The following KIF26B variants were observed in gnomAD, a reference collection of about 807,000 sequenced individuals.
The protein encoded by KIF26B is kinesin-like protein KIF26B.
KIF26B carries 63 observed loss-of-function variants against 151.2 expected under a neutral mutation model. The observed-to-expected ratio is 0.42, with a 90% CI of 0.34 to 0.51. The LOEUF (loss-of-function observed/expected upper bound fraction) is 0.51, where lower values mean the gene tolerates loss of function less well. Ranked by LOEUF, KIF26B falls within the 20% of genes least tolerant of loss-of-function variation. KIF26B has a pLI of 0.07. For missense variants in KIF26B, 2,813 were observed against 2,913.6 expected (o/e 0.97, Z 0.79); for synonymous variants, 1,357 against 1,262.1 (o/e 1.08, Z -1.59).
chr1:245,684,200 C>T lies in KIF26B; in HGVS notation c.2259-33C>T, dbSNP rs200387540. On this transcript the variant is annotated intron_variant, in intron 10 of 14. Coordinates refer to ENST00000407071, the MANE Select transcript of KIF26B (RefSeq NM_018012.4). Reference sequence around the variant, plus strand: ...CCTGAGGGCCACAGGGAAGCATGGCCGCTAATGCAGCCTAATTCACTTTGT... The same window carrying T: ...CCTGAGGGCCACAGGGAAGCATGGCTGCTAATGCAGCCTAATTCACTTTGT... 6.0e-5 allele frequency: 96 copies of T among 1,596,478 alleles called. 2 individuals are homozygous for T. In the East Asian group the frequency reaches 2.0e-3, roughly 34 times the overall value.
intron 8 of KIF26B, 55 bp downstream of exon 8, chr1:245,609,583 G>A: frequency 1.4e-6 from 2 of 1,444,530 alleles, no homozygotes; most frequent in Non-Finnish European, 1.8e-6. Context: ...CCACCTCAGA[G>A]GCTGGGGCAG....
chr1:245,307,234 A>G (rs1403013659), intron 2 of KIF26B, among the ~76,000 whole-genome samples: 2 of 152,228 alleles, frequency 1.3e-5, no homozygotes, highest in Non-Finnish European at 2.9e-5. Flanking sequence ...GCAGCGTTTC[A>G]TAGTTGTAAA....
intron 4 of KIF26B, among the ~76,000 whole-genome samples, chr1:245,460,305 T>C (rs1226826145): frequency 6.6e-6 from 1 of 152,180 alleles, no homozygotes; most frequent in Non-Finnish European, 1.5e-5. Flanking sequence ...GTTTTTGTTT[T>C]TCCAGAATTA....
At chr1:245,618,499 C>A (rs2043618711) in intron 9 of KIF26B, among the ~76,000 whole-genome samples, 1 of 143,038 alleles carries the variant, frequency 7.0e-6, no homozygotes, top group Non-Finnish European at 1.5e-5. Flanking sequence ...GCGTCAGTGT[C>A]CAAGCCCTAT....
chr1:245,581,035 G>A (rs972802420), intron 5 of KIF26B, among the ~76,000 whole-genome samples: 2 of 152,214 alleles, frequency 1.3e-5, no homozygotes, highest in Admixed American at 1.3e-4. Flanking sequence ...CATCTTTCCA[G>A]CAGCTCCTGC....
rs367742207 is a variant in KIF26B at position 245,200,915 on chromosome 1, G to A, written c.465+44232G>A. On this transcript the variant is annotated intron_variant, in intron 2 of 14. Coordinates refer to ENST00000407071, the MANE Select transcript of KIF26B (RefSeq NM_018012.4). ...TTCCAAAGGGCGTGAAAGTCATTGT[G>A]TGACCCCTGTTGATGCCTCTTTATT... 1.8e-4 allele frequency among the ~76,000 whole-genome samples: 28 copies of A among 152,228 alleles called. 1 individual carries two copies. Among genetic ancestry groups the A allele is most frequent in the Admixed American group, 8.5e-4 (13 of 15,284 alleles).
chr1:245,562,423 G>A (rs779771272), intron 5 of KIF26B, among the ~76,000 whole-genome samples: 2 of 152,076 alleles, frequency 1.3e-5, no homozygotes, highest in Non-Finnish European at 2.9e-5. Flanking sequence ...GCTTGGCTCC[G>A]TGGTGACGGC....
intron 4 of KIF26B, among the ~76,000 whole-genome samples, chr1:245,429,940 A>T (rs539699374): frequency 6.6e-6 from 1 of 152,252 alleles, no homozygotes; most frequent in African/African-American, 2.4e-5. Context: ...AGCCCTAGAA[A>T]AACTGGTACC....
At chr1:245,530,236 A>G (rs1338329726) in intron 4 of KIF26B, among the ~76,000 whole-genome samples, 1 of 152,218 alleles carries the variant, frequency 6.6e-6, no homozygotes, top group African/African-American at 2.4e-5. Context: ...GTGGATGGGA[A>G]TGTAAATTAG....
chr1:245,677,254 A>G (rs1347962407), intron 10 of KIF26B, among the ~76,000 whole-genome samples: 1 of 152,198 alleles, frequency 6.6e-6, no homozygotes, highest in Non-Finnish European at 1.5e-5. Flanking sequence ...TGATGAGACA[A>G]CTAATCATCG....
At chr1:245,440,017 C>G (rs566179845) in intron 4 of KIF26B, among the ~76,000 whole-genome samples, 4 of 152,222 alleles carry the variant, frequency 2.6e-5, no homozygotes, top group East Asian at 1.9e-4. Context: ...GTGAGGAGAT[C>G]GAGACCATCC....
At chr1:245,496,935 C>G (rs1311910533) in intron 4 of KIF26B, among the ~76,000 whole-genome samples, 1 of 152,050 alleles carries the variant, frequency 6.6e-6, no homozygotes, top group Admixed American at 6.5e-5. Flanking sequence ...CAAGAATCAT[C>G]ATGAAGTCAG....
chr1:245,693,779 C>T (rs1302951374), intron 12 of KIF26B, among the ~76,000 whole-genome samples: 1 of 152,214 alleles, frequency 6.6e-6, no homozygotes, highest in Non-Finnish European at 1.5e-5. Context: ...TTCTCAGGCA[C>T]ATCCTGGTTT....
chr1:245,240,050 G>T (rs1670185649), intron 2 of KIF26B, among the ~76,000 whole-genome samples: 1 of 151,958 alleles, frequency 6.6e-6, no homozygotes, highest in Non-Finnish European at 1.5e-5. Context: ...CACACCTGTA[G>T]TCCCAGTTAC....
At chr1:245,474,781 TC>T (rs1328030442) in intron 4 of KIF26B, among the ~76,000 whole-genome samples, 1 of 151,762 alleles carries the variant, frequency 6.6e-6, no homozygotes, top group African/African-American at 2.4e-5. Flanking sequence ...TCTCTTCGTC[TC>T]CCATCCCCGC....
chr1:245,418,334 G>A (rs1408816447), intron 3 of KIF26B, among the ~76,000 whole-genome samples: 3 of 152,188 alleles, frequency 2.0e-5, no homozygotes, highest in East Asian at 1.9e-4. Flanking sequence ...CTTATAATGC[G>A]TTAAATGAAT....
In KIF26B at chr1:245,707,139, T is replaced by A. The variant is rs959145800; in HGVS notation, c.*4533T>A. The A allele has an allele frequency of 3.3e-5, 5 of 152,228 alleles. No homozygotes were observed. The highest frequency in any genetic ancestry group is 4.8e-5 in the African/African-American group (2 of 41,470). 9.4% of individuals were successfully genotyped at this position (152,228 alleles called of 1,614,324 possible). On this transcript the variant is annotated 3_prime_UTR_variant, in exon 15 of 15. Coordinates refer to ENST00000407071, the MANE Select transcript of KIF26B (RefSeq NM_018012.4). ...CAAAAAAATTTTTTCTGAAAATTCC[T>A]GGAAACTAATTTATCCCTCCCTAAA...
rs138240748 is a variant in KIF26B at position 245,523,318 on chromosome 1, A to G, written c.1167-17449A>G. Among the ~76,000 whole-genome samples the G allele has an allele frequency of 3.7e-3, 570 of 152,238 alleles. 4 individuals are homozygous for G. The highest frequency in any genetic ancestry group is 0.012 in the African/African-American group (513 of 41,520). On this transcript the variant is annotated intron_variant, in intron 4 of 14. Transcript: ENST00000407071. ...TTACACAATTCTTTTCTCCAATCAC[A>G]TTTCATTTTAGACTTTATGAGCCCT...
In KIF26B at chr1:245,705,067, T is replaced by G. The variant is rs918319512; in HGVS notation, c.*2461T>G. The G allele has an allele frequency of 6.6e-6, 1 of 152,044 alleles. No individual in the cohort carries two copies. Among genetic ancestry groups the G allele is most frequent in the Non-Finnish European group, 1.5e-5 (1 of 68,020 alleles). The allele number at this position is 152,044 out of a possible 1,614,324, so 9.4% of individuals were successfully genotyped here. On this transcript the variant is annotated 3_prime_UTR_variant, in exon 15 of 15. Coordinates refer to ENST00000407071, the MANE Select transcript of KIF26B (RefSeq NM_018012.4). Reference sequence around the variant, plus strand: ...ACCGATGGAATCCTTCCGAGGGGAGTGGCATTCGGCTTGCCTCCTGCCTAA... The same window carrying G: ...ACCGATGGAATCCTTCCGAGGGGAGGGGCATTCGGCTTGCCTCCTGCCTAA...
Sources: gnomAD v4.1 joint callset for allele counts (sites outside exome capture counted in the v4.1 genomes callset) on GRCh38, gnomAD v4.1.1 for gene constraint, MANE v1.5 for transcripts, NCBI Gene and HGNC (gene_info 2026-07-23, HGNC 2026-07-21) for gene names.